Variants in SEMA6D observed in about 807,000 individuals in gnomAD.
SEMA6D encodes the protein semaphorin-6D.
Under a neutral mutation model 106.6 loss-of-function variants are expected in SEMA6D, and 35 were observed. The observed-to-expected ratio is 0.33, with a 90% CI of 0.25 to 0.44. The LOEUF (loss-of-function observed/expected upper bound fraction) is 0.44, where lower values mean the gene tolerates loss of function less well. Ranked by LOEUF, SEMA6D falls within the 20% of genes least tolerant of loss-of-function variation. The probability of loss-of-function intolerance (pLI) is 1.00; values close to 1 mark genes in which losing one functional copy is unlikely to be tolerated. For missense variants in SEMA6D, 1,185 were observed against 1,345.9 expected, an observed-to-expected ratio of 0.88 and a Z score of 1.87; for synonymous variants, 499 against 487.7, an observed-to-expected ratio of 1.02 and a Z score of -0.31.
chr15:47,454,244 A>G (rs1214804298), intron 2 of SEMA6D, among the ~76,000 whole-genome samples: 1 of 151,990 alleles, frequency 6.6e-6, no homozygotes, highest in African/African-American at 2.4e-5. Flanking sequence ...GTTTAGTTTT[A>G]ATAACTGAAT....
chr15:47,750,981 G>T (rs1239398888), intron 1 of SEMA6D, among the ~76,000 whole-genome samples: 1 of 152,170 alleles, frequency 6.6e-6, no homozygotes, highest in Non-Finnish European at 1.5e-5. Flanking sequence ...GAGGCAAGGA[G>T]CACCCATGCT....
intron 3 of SEMA6D, among the ~76,000 whole-genome samples, chr15:47,560,526 GAAAGA>G (rs934728360): frequency 6.6e-6 from 1 of 151,842 alleles, no homozygotes; most frequent in African/African-American, 2.4e-5. Flanking sequence ...GAAGAACAGA[GAAAGA>G]AATGTTTAAA....
intron 2 of SEMA6D, among the ~76,000 whole-genome samples, chr15:47,416,129 A>G (rs2040959456): frequency 6.6e-6 from 1 of 152,108 alleles, no homozygotes; most frequent in South Asian, 2.1e-4. Context: ...TGCCAAGGTC[A>G]CCATTGTGGA....
intron 1 of SEMA6D, among the ~76,000 whole-genome samples, chr15:47,409,399 A>T (rs990695690): frequency 2.6e-5 from 4 of 152,190 alleles, no homozygotes; most frequent in Non-Finnish European, 4.4e-5. Context: ...TAGAATGAAG[A>T]GTGAGTTGGT....
intron 1 of SEMA6D, among the ~76,000 whole-genome samples, chr15:47,740,164 C>T (rs1278660700): frequency 6.6e-6 from 1 of 152,132 alleles, no homozygotes; most frequent in Non-Finnish European, 1.5e-5. Flanking sequence ...TGCATTGCGA[C>T]TCATTTTTCA....
intron 1 of SEMA6D, among the ~76,000 whole-genome samples, chr15:47,367,739 AAG>A (rs1209847154): frequency 2.7e-5 from 4 of 147,574 alleles, no homozygotes; most frequent in African/African-American, 1.0e-4. Context: ...GAGAGAGAGA[AAG>A]AGAGAGAGAG....
At chr15:47,518,989 C>T (rs1377049941) in intron 3 of SEMA6D, among the ~76,000 whole-genome samples, 1 of 151,872 alleles carries the variant, frequency 6.6e-6, no homozygotes, top group East Asian at 1.9e-4. Flanking sequence ...CTTTGGGAGG[C>T]CGAGGCAGGT....
At chr15:47,240,511 A>T (rs1055928249) in intron 1 of SEMA6D, among the ~76,000 whole-genome samples, 1 of 152,084 alleles carries the variant, frequency 6.6e-6, no homozygotes, top group Admixed American at 6.6e-5. Context: ...TTTTCACTAG[A>T]TTTCCTTTTT....
At chr15:47,189,149 C>A (rs1015481117) in intron 1 of SEMA6D, among the ~76,000 whole-genome samples, 1 of 152,088 alleles carries the variant, frequency 6.6e-6, no homozygotes, top group African/African-American at 2.4e-5. Flanking sequence ...ATACACTTCT[C>A]TTTCCCTTTC....
chr15:47,461,046 C>T (rs1288712568), intron 2 of SEMA6D, among the ~76,000 whole-genome samples: 1 of 152,080 alleles, frequency 6.6e-6, no homozygotes. Context: ...CCCTCCTGAC[C>T]TTCTTTTTGC....
intron 4 of SEMA6D, among the ~76,000 whole-genome samples, chr15:47,656,028 A>C (rs750017840): frequency 1.3e-5 from 2 of 152,148 alleles, no homozygotes; most frequent in Non-Finnish European, 2.9e-5. Flanking sequence ...ACCTTTTCAC[A>C]TTTTGCTGTT....
intron 4 of SEMA6D, among the ~76,000 whole-genome samples, chr15:47,708,089 A>G (rs1186630430): frequency 1.3e-5 from 2 of 152,004 alleles, no homozygotes; most frequent in Admixed American, 6.6e-5. Flanking sequence ...TACGTCTGAA[A>G]CCTCTTGCTT....
rs145841797 is a variant in SEMA6D at position 47,765,105 on chromosome 15, G to A, written c.1427+49G>A. On this transcript the variant is annotated intron_variant, in intron 13 of 18. Transcript: ENST00000536845. ...CCTTCAGCACTGCTCAAAAATTTTC[G>A]GCATGTATTTCATCTAGTCATGTCC... 6.0e-5 allele frequency: 95 copies of A among 1,591,752 alleles called. No individual in the cohort carries two copies. The African/African-American group carries it at 7.1e-4, about 12-fold the overall frequency.
intron 1 of SEMA6D, among the ~76,000 whole-genome samples, chr15:47,284,483 T>G (rs1410201807): frequency 6.6e-6 from 1 of 152,218 alleles, no homozygotes. Flanking sequence ...TATTAGTAAA[T>G]GATTGTGCTG....
At chr15:47,622,068 A>G (rs2077111931) in intron 4 of SEMA6D, among the ~76,000 whole-genome samples, 1 of 152,106 alleles carries the variant, frequency 6.6e-6, no homozygotes, top group Non-Finnish European at 1.5e-5. Context: ...AACAGGACCA[A>G]AAACTCACCT....
At chr15:47,304,870 C>T (rs1272898572) in intron 1 of SEMA6D, among the ~76,000 whole-genome samples, 1 of 152,162 alleles carries the variant, frequency 6.6e-6, no homozygotes, top group East Asian at 1.9e-4. Flanking sequence ...GCCAAGTTTG[C>T]AATCACTCAA....
At chr15:47,723,345 A>G (rs1412308992) in intron 1 of SEMA6D, among the ~76,000 whole-genome samples, 2 of 152,188 alleles carry the variant, frequency 1.3e-5, no homozygotes, top group Admixed American at 1.3e-4. Flanking sequence ...GTCCAAGATT[A>G]CAGTGGCATA....
At chr15:47,238,012 C>T (rs952013413) in intron 1 of SEMA6D, among the ~76,000 whole-genome samples, 2 of 152,102 alleles carry the variant, frequency 1.3e-5, no homozygotes, top group African/African-American at 4.8e-5. Flanking sequence ...TATGGAGCAT[C>T]CTTGTCAAGT....
chr15:47,536,759 T>C (rs769273034), intron 3 of SEMA6D, among the ~76,000 whole-genome samples: 3 of 152,206 alleles, frequency 2.0e-5, no homozygotes, highest in Non-Finnish European at 2.9e-5. Flanking sequence ...GTCACTAAAA[T>C]CCATAATTCC....
Sources: gnomAD v4.1 joint callset for allele counts (sites outside exome capture counted in the v4.1 genomes callset) on GRCh38, gnomAD v4.1.1 for gene constraint, MANE v1.5 for transcripts, NCBI Gene and HGNC (gene_info 2026-07-23, HGNC 2026-07-21) for gene names.